Variants in IL1R1 observed in about 807,000 individuals in gnomAD.
The protein encoded by IL1R1 is interleukin 1 receptor type 1.
In IL1R1, 22 loss-of-function variants were observed where a neutral mutation model predicts 50.2. The observed-to-expected ratio is 0.44, with a 90% CI of 0.31 to 0.63. IL1R1 has a LOEUF of 0.63. Ranked by LOEUF, IL1R1 falls within the 20% of genes least tolerant of loss-of-function variation. IL1R1 has a pLI of 0.07. For synonymous variants in IL1R1, 251 were observed against 236.7 expected, an observed-to-expected ratio of 1.06 and a Z score of -0.55; for missense variants, 509 against 676.2, an observed-to-expected ratio of 0.75 and a Z score of 2.74.
At chr2:102,111,136 G>A (rs549865019) in intron 1 of IL1R1, among the ~76,000 whole-genome samples, 68 of 152,342 alleles carry the variant, frequency 4.5e-4, no homozygotes, top group African/African-American at 1.4e-3. Flanking sequence ...GGTGTTTAGG[G>A]CTGTGGCAAG....
Position 102,122,950 on chromosome 2 carries a change from C to G in IL1R1, c.-84+18078C>G, listed in dbSNP as rs539571611. Among the ~76,000 whole-genome samples, 7 of 152,322 alleles carry G rather than the reference C, an allele frequency of 4.6e-5. 1 individual carries two copies. The highest frequency in any genetic ancestry group is 1.7e-4 in the African/African-American group (7 of 41,574). On this transcript the variant is annotated intron_variant, in intron 1 of 10. Transcript: ENST00000409329. Reference sequence around the variant, plus strand: ...TGGGTCTAGCAAATATTCTTGGCCCCACCAGTCATGGCCAAGGTGTCTTTT... The same window carrying G: ...TGGGTCTAGCAAATATTCTTGGCCCGACCAGTCATGGCCAAGGTGTCTTTT...
Position 102,082,951 on chromosome 2 carries a change from G to T in IL1R1, c.-84+12418G>T, listed in dbSNP as rs140062319. On this transcript the variant is annotated intron_variant, in intron 1 of 11. Coordinates refer to the IL1R1 transcript ENST00000409929. Reference sequence around the variant, plus strand: ...TCTCAGGGACTGTACTCAAGGCTGAGGTTTGGACCTCAGCCAATTTTATGA... The same window carrying T: ...TCTCAGGGACTGTACTCAAGGCTGATGTTTGGACCTCAGCCAATTTTATGA... Among the ~76,000 whole-genome samples the T allele has an allele frequency of 3.0e-3, 452 of 152,304 alleles. 2 individuals are homozygous for T. Among genetic ancestry groups the T allele is most frequent in the African/African-American group, 9.0e-3 (376 of 41,568 alleles).
intron 3 of IL1R1, among the ~76,000 whole-genome samples, chr2:102,160,176 A>G (rs1195607991): frequency 6.6e-6 from 1 of 152,130 alleles, no homozygotes; most frequent in Non-Finnish European, 1.5e-5. Context: ...TGCTCATTTC[A>G]TTTACGTTAT....
chr2:102,154,600 C>T lies in IL1R1; in HGVS notation c.-7+583C>T, dbSNP rs549672048. 2.0e-4 allele frequency among the ~76,000 whole-genome samples: 30 copies of T among 152,270 alleles called. 1 individual carries two copies. In the South Asian group the frequency reaches 5.6e-3, roughly 28 times the overall value. ...TGTTCTCAAATATGCCCCCGCCTGC[C>T]TGTCTGTCACTGCAGCTGGCCCAGC... On this transcript the variant is annotated intron_variant, in intron 2 of 11. Transcript: ENST00000410023.
intron 1 of IL1R1, among the ~76,000 whole-genome samples, chr2:102,150,297 G>T (rs751830319): frequency 2.6e-4 from 39 of 152,134 alleles, no homozygotes; most frequent in African/African-American, 6.3e-4. Context: ...GCGTGCACTG[G>T]GTATGAAATT....
At chr2:102,131,405 A>G (rs1682022131) in intron 1 of IL1R1, among the ~76,000 whole-genome samples, 1 of 152,320 alleles carries the variant, frequency 6.6e-6, no homozygotes, top group Admixed American at 6.5e-5. Flanking sequence ...AGTCAAAACC[A>G]ACCAAGAACT....
At chr2:102,128,023 T>A (rs1273605272) in intron 1 of IL1R1, among the ~76,000 whole-genome samples, 1 of 152,236 alleles carries the variant, frequency 6.6e-6, no homozygotes, top group Non-Finnish European at 1.5e-5. Context: ...TCTTCACATA[T>A]TGAATGAGTT....
rs773189773 is a variant in IL1R1, at chr2:102,172,750, T to G, written c.903T>G (p.Ile301Met). ...TCACAGTGCTTAATATATCGGAAAT[T>G]GAAAGTAGATTTTATAAACATCCAT... is the stretch of plus-strand genomic sequence containing the variant. ...TLITVLNISE[I>M]ESRFYKHPFT... The change falls in exon 9 of 12, where the codon ATT becomes ATG. Residue 301 changes from isoleucine (I) to methionine (M), a missense_variant. By Grantham distance (10) the Ile-to-Met change is conservative (BLOSUM62 1). Coordinates refer to ENST00000410023, the MANE Select transcript of IL1R1 (RefSeq NM_000877.4). The G allele has an allele frequency of 6.2e-7, 1 of 1,612,872 alleles. No homozygotes were observed. The highest frequency in any genetic ancestry group is 8.5e-7 in the Non-Finnish European group (1 of 1,178,908).
chr2:102,161,474 T>G (rs1684721204), intron 3 of IL1R1, among the ~76,000 whole-genome samples: 1 of 152,188 alleles, frequency 6.6e-6, no homozygotes, highest in African/African-American at 2.4e-5. Context: ...TGTTCAAATC[T>G]TCTATGTTGT....
At chr2:102,104,256 C>T, upstream of IL1R1, among the ~76,000 whole-genome samples, 1 of 152,176 alleles carries the variant, frequency 6.6e-6, no homozygotes. Context: ...ATTGCCTGGG[C>T]TGACTCTAGG....
chr2:102,118,657 T>C (rs1045420962), intron 1 of IL1R1, among the ~76,000 whole-genome samples: 12 of 152,286 alleles, frequency 7.9e-5, no homozygotes, highest in Admixed American at 7.8e-4. Flanking sequence ...ATTCAGCTGG[T>C]GTCAGAGTAT....
At chr2:102,114,066 C>G (rs916375017) in intron 1 of IL1R1, among the ~76,000 whole-genome samples, 1 of 152,176 alleles carries the variant, frequency 6.6e-6, no homozygotes, top group African/African-American at 2.4e-5. Flanking sequence ...TATTTGGGCA[C>G]TGGTTTTTGA....
At chr2:102,081,016 T>C (rs1679183424) in intron 1 of IL1R1, among the ~76,000 whole-genome samples, 1 of 152,072 alleles carries the variant, frequency 6.6e-6, no homozygotes, top group African/African-American at 2.4e-5. Flanking sequence ...AGCAAATTTA[T>C]AGAATCAGAA....
Position 102,112,782 on chromosome 2 carries a change from T to C in IL1R1, c.-84+7910T>C, listed in dbSNP as rs569103276. 2.1e-3 allele frequency among the ~76,000 whole-genome samples: 318 copies of C among 152,316 alleles called. 1 individual carries two copies. Among genetic ancestry groups the C allele is most frequent in the Non-Finnish European group, 2.5e-3 (170 of 68,032 alleles). ...CCTTTGTCTGTGTACATAGATTGAA[T>C]GTCTGTGTGTCCCCCAAGCCCACCA... is the stretch of plus-strand genomic sequence containing the variant. On this transcript the variant is annotated intron_variant, in intron 1 of 10. Coordinates refer to the IL1R1 transcript ENST00000409329.
Position 102,127,598 on chromosome 2 carries a change from G to C in IL1R1, c.-84+22726G>C, listed in dbSNP as rs542091370. ...TAATATATATAGTAAGTCAGATGGT[G>C]ACACATGCTAGGAAACCCCAGTAGG... is the stretch of plus-strand genomic sequence containing the variant. On this transcript the variant is annotated intron_variant, in intron 1 of 10. Coordinates refer to the IL1R1 transcript ENST00000409329. 2.0e-5 allele frequency among the ~76,000 whole-genome samples: 3 copies of C among 152,148 alleles called. No individual in the cohort carries two copies. The East Asian group carries it at 5.8e-4, about 29-fold the overall frequency.
At chr2:102,084,232 A>G (rs1679342382) in intron 1 of IL1R1, among the ~76,000 whole-genome samples, 1 of 152,224 alleles carries the variant, frequency 6.6e-6, no homozygotes, top group South Asian at 2.1e-4. Context: ...GCCCGTTGAC[A>G]TCTTTTGTGC....
At chr2:102,110,906 G>A (rs1277107427) in intron 1 of IL1R1, among the ~76,000 whole-genome samples, 1 of 152,150 alleles carries the variant, frequency 6.6e-6, no homozygotes, top group Admixed American at 6.5e-5. Flanking sequence ...GAGACAGCGA[G>A]TAGGGAGCCA....
intron 9 of IL1R1, 47 bp downstream of exon 9, chr2:102,172,885 G>A: frequency 7.2e-7 from 1 of 1,393,704 alleles, no homozygotes; most frequent in South Asian, 1.3e-5. Flanking sequence ...ACTGTAGTAA[G>A]ATTCCATGAC....
intron 3 of IL1R1, among the ~76,000 whole-genome samples, chr2:102,162,375 G>GT (rs1684806942): frequency 6.6e-6 from 1 of 152,136 alleles, no homozygotes; most frequent in African/African-American, 2.4e-5. Flanking sequence ...CAATGAGAGT[G>GT]TTTAGACTAT....
Sources: gnomAD v4.1 joint callset for allele counts (sites outside exome capture counted in the v4.1 genomes callset) on GRCh38, gnomAD v4.1.1 for gene constraint, MANE v1.5 for transcripts, NCBI Gene and HGNC (gene_info 2026-07-23, HGNC 2026-07-21) for gene names.